The following HNF4G variants were observed in gnomAD, a reference collection of about 807,000 sequenced individuals.
The protein encoded by HNF4G is hepatocyte nuclear factor 4-gamma.
Under a neutral mutation model 50.9 loss-of-function variants are expected in HNF4G, and 21 were observed. That is an observed-to-expected ratio of 0.41 (90% confidence interval 0.29 to 0.59). The LOEUF is 0.59. HNF4G is among the 20% of genes least tolerant of loss of function. The pLI, the probability that HNF4G is intolerant of heterozygous loss-of-function variation, is 0.26. For synonymous variants in HNF4G, 198 were observed against 185.6 expected (o/e 1.07, Z -0.54); for missense variants, 527 against 559.4 (o/e 0.94, Z 0.58).
intron 2 of HNF4G, among the ~76,000 whole-genome samples, chr8:75,495,005 T>C (rs1423430023): frequency 6.6e-6 from 1 of 152,142 alleles, no homozygotes; most frequent in Non-Finnish European, 1.5e-5. Flanking sequence ...GTGATGCCAG[T>C]AGTACACTGG....
intron 2 of HNF4G, among the ~76,000 whole-genome samples, chr8:75,491,353 TA>T (rs1379150555): frequency 2.0e-5 from 3 of 152,150 alleles, no homozygotes; most frequent in Non-Finnish European, 2.9e-5. Flanking sequence ...ATGTTGAGAA[TA>T]AAAAATGTAG....
At position 75,545,741 on chromosome 8, in the gene HNF4G, A is replaced by G. The variant is rs150995513; in HGVS notation, c.287+1762A>G. 1.2e-4 allele frequency among the ~76,000 whole-genome samples: 18 copies of G among 152,204 alleles called. No homozygotes were observed. In the East Asian group the frequency reaches 3.3e-3, roughly 28 times the overall value. The stretch of plus-strand genomic sequence containing the variant: ...GTTTTTCACATTATGTACAATTTGT[A>G]TGTGTACTCTATTAGATTATAATTT... On this transcript the variant is annotated intron_variant, in intron 2 of 9. Transcript: ENST00000396423.
chr8:75,493,872 C>G (rs1812691576), intron 2 of HNF4G, among the ~76,000 whole-genome samples: 1 of 152,096 alleles, frequency 6.6e-6, no homozygotes, highest in Non-Finnish European at 1.5e-5. Flanking sequence ...TTGTCCCAAG[C>G]AATTGGGGGT....
upstream of HNF4G, among the ~76,000 whole-genome samples, chr8:75,537,389 G>A (rs567083987): frequency 6.0e-4 from 91 of 152,022 alleles, no homozygotes; most frequent in African/African-American, 1.9e-3. Context: ...GATTATAAGC[G>A]CATGCCACCA....
At chr8:75,492,544 C>T (rs1189018041) in intron 2 of HNF4G, among the ~76,000 whole-genome samples, 1 of 152,280 alleles carries the variant, frequency 6.6e-6, no homozygotes, top group East Asian at 1.9e-4. Flanking sequence ...ATAATGATGG[C>T]CTTCACCACA....
chr8:75,449,754 C>G lies in HNF4G; in HGVS notation c.-143-40335C>G, dbSNP rs202182049. On this transcript the variant is annotated intron_variant, in intron 1 of 10. Coordinates refer to the HNF4G transcript ENST00000354370. ...GATCTCCTGACCTCGTGATCCGCCC[C>G]CCTTGGCCTCCCAAAGTGCTGGGAT... 1.8e-3 allele frequency among the ~76,000 whole-genome samples: 269 copies of G among 151,948 alleles called. 1 individual carries two copies. Among genetic ancestry groups the G allele is most frequent in the Non-Finnish European group, 2.2e-3 (148 of 67,904 alleles).
chr8:75,454,023 ATTTC>A (rs1008321677), intron 1 of HNF4G, among the ~76,000 whole-genome samples: 1 of 127,558 alleles, frequency 7.8e-6, no homozygotes, highest in African/African-American at 3.6e-5. Flanking sequence ...AGAAGAAGAA[ATTTC>A]TCTCTCTCTC....
rs183226211 is a variant in HNF4G at position 75,492,631 on chromosome 8, T to C, written c.-24+2423T>C. Among the ~76,000 whole-genome samples the C allele has an allele frequency of 2.2e-3, 332 of 152,302 alleles. 1 individual carries two copies. Among genetic ancestry groups the C allele is most frequent in the Non-Finnish European group, 4.1e-3 (280 of 68,010 alleles). On this transcript the variant is annotated intron_variant, in intron 2 of 10. Coordinates refer to the HNF4G transcript ENST00000354370. ...TCAAAGCAATTTTATGAGATGGGTC[T>C]CTTTATCCTCATTTTGTAGAGAAGA... is the stretch of plus-strand genomic sequence containing the variant.
Position 75,555,976 on chromosome 8 carries a change from A to T in HNF4G, c.646-6A>T, listed in dbSNP as rs1439368950. ...TTAATTGTTAAACTGAGAATTTTTC[A>T]TTAAGGTGGCACTGTTGAGAGCTCA... On this transcript the variant is annotated splice_polypyrimidine_tract_variant and splice_region_variant and intron_variant, in intron 5 of 9. Coordinates refer to ENST00000396423, the MANE Select transcript of HNF4G (RefSeq NM_004133.5). 6.8e-7 allele frequency: 1 copy of T among 1,478,252 alleles called. No homozygotes were observed. Among genetic ancestry groups the T allele is most frequent in the South Asian group, 1.4e-5 (1 of 71,060 alleles). 91.6% of individuals were successfully genotyped at this position (1,478,252 alleles called of 1,614,324 possible).
chr8:75,494,024 C>T (rs1297840141), intron 2 of HNF4G, among the ~76,000 whole-genome samples: 2 of 151,970 alleles, frequency 1.3e-5, no homozygotes, highest in Non-Finnish European at 2.9e-5. Flanking sequence ...CATTGTATTG[C>T]TATTTCAAAT....
intron 1 of HNF4G, among the ~76,000 whole-genome samples, chr8:75,449,724 G>T (rs564775843): frequency 6.6e-6 from 1 of 151,802 alleles, no homozygotes. Flanking sequence ...AGCCCGGATG[G>T]TCTCGATCTC....
exon 1 of HNF4G, chr8:75,408,138 C>A (rs76310988): frequency 6.5e-6 from 1 of 153,296 alleles, no homozygotes; most frequent in African/African-American, 2.4e-5. Flanking sequence ...GCCCAGCCTG[C>A]GCTGGAGGGA....
chr8:75,479,917 T>G (rs994267596), intron 1 of HNF4G, among the ~76,000 whole-genome samples: 1 of 152,052 alleles, frequency 6.6e-6, no homozygotes, highest in African/African-American at 2.4e-5. Flanking sequence ...ATATACCATA[T>G]TACCAAAAAT....
chr8:75,498,427 G>A (rs757276332), intron 2 of HNF4G, among the ~76,000 whole-genome samples: 5 of 151,784 alleles, frequency 3.3e-5, no homozygotes, highest in African/African-American at 9.7e-5. Context: ...AAACATTCCC[G>A]CAAAACAAGT....
At position 75,541,242 on chromosome 8, in the gene HNF4G, G is replaced by A. The variant is rs114754673; in HGVS notation, c.118+1162G>A. Among the ~76,000 whole-genome samples, 1,146 of 152,188 alleles carry A rather than the reference G, an allele frequency of 7.5e-3. 14 individuals carry two copies. The highest frequency in any genetic ancestry group is 0.026 in the African/African-American group (1,082 of 41,530). On this transcript the variant is annotated intron_variant, in intron 1 of 9. Transcript: ENST00000396423. ...TATTTACTATAAGTGTTTAACAAATGTACTGAAATAACGATTTTGTATGGC... is the reference window on the plus strand; with the variant it reads ...TATTTACTATAAGTGTTTAACAAATATACTGAAATAACGATTTTGTATGGC...
At chr8:75,478,984 A>G (rs530020557) in intron 1 of HNF4G, among the ~76,000 whole-genome samples, 1 of 152,318 alleles carries the variant, frequency 6.6e-6, no homozygotes, top group African/African-American at 2.4e-5. Context: ...GGCCTCCCGA[A>G]GTGATAGAAT....
chr8:75,565,469 C>G lies in HNF4G; in HGVS notation c.*1373C>G, dbSNP rs1225097169. The stretch of plus-strand genomic sequence containing the variant: ...AGCAGATTCTTTGAAATGTAGCAGC[C>G]CAGGGATGTACCAAATGTCGAATTC... On this transcript the variant is annotated 3_prime_UTR_variant, in exon 10 of 10. Coordinates refer to ENST00000396423, the MANE Select transcript of HNF4G (RefSeq NM_004133.5). The G allele has an allele frequency of 6.6e-6, 1 of 151,946 alleles. No individual in the cohort carries two copies. Among genetic ancestry groups the G allele is most frequent in the Non-Finnish European group, 1.5e-5 (1 of 67,984 alleles). The allele number at this position is 151,946 out of a possible 1,614,324, so 9.4% of individuals were successfully genotyped here. A position where few individuals can be genotyped will look rare whatever the true frequency, so the allele number is the denominator to read the frequency against.
intron 1 of HNF4G, among the ~76,000 whole-genome samples, chr8:75,410,510 G>T (rs1810475902): frequency 1.3e-5 from 2 of 152,106 alleles, no homozygotes; most frequent in Admixed American, 1.3e-4. Context: ...GCTTGTAAAA[G>T]AATCTACCGC....
In HNF4G at chr8:75,479,710, G is replaced by A. The variant is rs565214556; in HGVS notation, c.-143-10379G>A. Among the ~76,000 whole-genome samples the A allele has an allele frequency of 2.6e-5, 4 of 151,518 alleles. No homozygotes were observed. The South Asian group carries it at 8.3e-4, about 32-fold the overall frequency. ...CAAGAGAGAATAAGAAAAATGTTCTGCATTTGTTAAACTACCATGGAGGTG... is the reference window on the plus strand; with the variant it reads ...CAAGAGAGAATAAGAAAAATGTTCTACATTTGTTAAACTACCATGGAGGTG... On this transcript the variant is annotated intron_variant, in intron 1 of 10. Transcript: ENST00000354370.
Sources: gnomAD v4.1 joint callset for allele counts (sites outside exome capture counted in the v4.1 genomes callset) on GRCh38, gnomAD v4.1.1 for gene constraint, MANE v1.5 for transcripts, NCBI Gene and HGNC (gene_info 2026-07-23, HGNC 2026-07-21) for gene names.